Variants in PHLDB2 observed in about 807,000 individuals in gnomAD.
PHLDB2 encodes the protein pleckstrin homology-like domain family B member 2.
PHLDB2 carries 71 observed loss-of-function variants against 123.6 expected under a neutral mutation model. That is an observed-to-expected ratio of 0.57 (90% CI 0.47 to 0.70). The LOEUF is 0.70. Ranked by LOEUF, PHLDB2 falls within the 30% of genes least tolerant of loss-of-function variation. The pLI is 0.00. For missense variants in PHLDB2, 1,446 were observed against 1,519.5 expected, an observed-to-expected ratio of 0.95 and a Z score of 0.80; for synonymous variants, 547 against 541.6, an observed-to-expected ratio of 1.01 and a Z score of -0.14.
intron 1 of PHLDB2, among the ~76,000 whole-genome samples, chr3:111,766,109 G>A (rs2060075986): frequency 6.6e-6 from 1 of 152,142 alleles, no homozygotes; most frequent in African/African-American, 2.4e-5. Flanking sequence ...TCATGAAGCA[G>A]TAATTTTTAA....
At chr3:111,871,515 G>A (rs1361982930) in intron 1 of PHLDB2, among the ~76,000 whole-genome samples, 1 of 152,056 alleles carries the variant, frequency 6.6e-6, no homozygotes, top group African/African-American at 2.4e-5. Context: ...ATAGCCAGGT[G>A]TGGTGGCCCA....
intron 1 of PHLDB2, among the ~76,000 whole-genome samples, chr3:111,843,717 A>G (rs557765258): frequency 6.6e-6 from 1 of 152,324 alleles, no homozygotes; most frequent in African/African-American, 2.4e-5. Flanking sequence ...TAAGAGTTTT[A>G]CAAATACTCT....
rs1351483220 is a variant in PHLDB2, at chr3:111,884,796, A to G, written c.719A>G (p.Lys240Arg). 3.7e-6 allele frequency: 6 copies of G among 1,613,980 alleles called. No homozygotes were observed. Among genetic ancestry groups the G allele is most frequent in the Admixed American group, 1.7e-5 (1 of 59,988 alleles). ...ASENINLRTR[K>R]YSSSSLSHMG... ...GAAAACATCAATTTGAGAACTAGGAAGTACTCCAGCAGCAGCCTGAGTCAC... is the reference window on the plus strand; with the variant it reads ...GAAAACATCAATTTGAGAACTAGGAGGTACTCCAGCAGCAGCCTGAGTCAC... The change falls in exon 2 of 18, where the codon AAG (lysine) becomes AGG (arginine). Residue 240 changes from lysine to arginine, a missense_variant. Coordinates refer to ENST00000431670, the MANE Select transcript of PHLDB2 (RefSeq NM_001134438.2).
intron 14 of PHLDB2, among the ~76,000 whole-genome samples, 187 bp downstream of exon 14, chr3:111,966,890 G>C (rs1559927203): frequency 6.6e-6 from 1 of 151,964 alleles, no homozygotes; most frequent in East Asian, 1.9e-4. Flanking sequence ...CTCTACTGCA[G>C]TGGATTTTCC....
At chr3:111,968,318 CTT>C (rs2071936785) in intron 15 of PHLDB2, among the ~76,000 whole-genome samples, 1 of 152,136 alleles carries the variant, frequency 6.6e-6, no homozygotes, top group African/African-American at 2.4e-5. Context: ...AGTGTTTTGT[CTT>C]TTTTCTGAGC....
At position 111,932,299 on chromosome 3, in the gene PHLDB2, A is replaced by G; in HGVS notation, c.2032A>G (p.Lys678Glu). The stretch of plus-strand genomic sequence containing the variant: ...GGTAAAGCTTGATGCTGAAAGGGAA[A>G]AACTAGAGAGGCTTCAGGAGCTTTA... ...EKVKLDAERE[K>E]LERLQELYSE... is the part of the protein sequence containing the mutation. The change falls in exon 6 of 18, where the codon AAA (lysine) becomes GAA (glutamate). Residue 678 changes from lysine to glutamate, a missense_variant. Physicochemically the swap from Lys to Glu is moderately conservative, Grantham distance 56. This residue lies in a region of PHLDB2 where 832 missense variants were observed against 831.9 expected (regional missense o/e 1.00). Coordinates refer to ENST00000431670, the MANE Select transcript of PHLDB2 (RefSeq NM_001134438.2). The G allele has an allele frequency of 1.3e-6, 2 of 1,551,548 alleles. No individual in the cohort carries two copies. Among genetic ancestry groups the G allele is most frequent in the Non-Finnish European group, 1.7e-6 (2 of 1,146,756 alleles).
At chr3:111,904,143 T>C (rs374841437) in intron 2 of PHLDB2, among the ~76,000 whole-genome samples, 1 of 151,828 alleles carries the variant, frequency 6.6e-6, no homozygotes, top group Non-Finnish European at 1.5e-5. Context: ...TCAGGTGTGG[T>C]GGCAGGCACC....
chr3:111,959,746 C>CA (rs2071280266), intron 12 of PHLDB2, among the ~76,000 whole-genome samples: 1 of 152,278 alleles, frequency 6.6e-6, no homozygotes, highest in East Asian at 1.9e-4. Context: ...ACAACAACAA[C>CA]AAAAAACACA....
intron 1 of PHLDB2, among the ~76,000 whole-genome samples, chr3:111,785,509 T>C (rs1216622880): frequency 1.3e-5 from 2 of 152,142 alleles, no homozygotes; most frequent in African/African-American, 4.8e-5. Flanking sequence ...TCAAATATAA[T>C]ATTTTCCTCT....
chr3:111,820,893 T>G (rs1232165491), intron 1 of PHLDB2, among the ~76,000 whole-genome samples: 2 of 152,204 alleles, frequency 1.3e-5, no homozygotes, highest in Non-Finnish European at 2.9e-5. Context: ...TTAACACACT[T>G]CAGAATTAAA....
At chr3:111,906,489 C>G (rs932126731) in intron 2 of PHLDB2, among the ~76,000 whole-genome samples, 1 of 151,990 alleles carries the variant, frequency 6.6e-6, no homozygotes, top group Admixed American at 6.6e-5. Context: ...AGTACATTGA[C>G]GAAAGGAGGA....
intron 1 of PHLDB2, among the ~76,000 whole-genome samples, chr3:111,770,914 C>T (rs940646201): frequency 4.0e-5 from 6 of 151,654 alleles, no homozygotes; most frequent in African/African-American, 1.2e-4. Flanking sequence ...GTGATTGGTA[C>T]GAAGCCAGTC....
intron 1 of PHLDB2, among the ~76,000 whole-genome samples, chr3:111,862,637 A>T (rs565510465): frequency 5.3e-5 from 8 of 152,254 alleles, no homozygotes; most frequent in African/African-American, 1.9e-4. Flanking sequence ...TCTTAATCTG[A>T]TTTGGATCCT....
intron 10 of PHLDB2, chr3:111,949,955 A>G: frequency 3.2e-6 from 3 of 946,946 alleles, no homozygotes; most frequent in Non-Finnish European, 3.8e-6. Flanking sequence ...CTTATGTGAA[A>G]TCTTTTCTTC....
intron 1 of PHLDB2, among the ~76,000 whole-genome samples, chr3:111,861,249 T>C (rs1446484191): frequency 3.3e-5 from 5 of 152,228 alleles, no homozygotes; most frequent in African/African-American, 1.2e-4. Context: ...AGAGCGAAGG[T>C]TCTTTGAAAA....
intron 8 of PHLDB2, among the ~76,000 whole-genome samples, chr3:111,941,669 A>G (rs745486436): frequency 1.8e-4 from 27 of 152,094 alleles, no homozygotes; most frequent in Admixed American, 6.6e-5. Context: ...TTAGCTGGGC[A>G]TGGTAGCACA....
At chr3:111,962,627 CT>C (rs1170493377) in intron 13 of PHLDB2, among the ~76,000 whole-genome samples, 1 of 152,168 alleles carries the variant, frequency 6.6e-6, no homozygotes, top group African/African-American at 2.4e-5. Context: ...ACTTACACTG[CT>C]TTTGATTTAA....
chr3:111,815,314 G>A (rs751021614), intron 1 of PHLDB2, among the ~76,000 whole-genome samples: 1 of 152,140 alleles, frequency 6.6e-6, no homozygotes, highest in Non-Finnish European at 1.5e-5. Flanking sequence ...TTTGGAATTG[G>A]GTAACAGGCA....
In PHLDB2 at chr3:111,885,122, T is replaced by G; in HGVS notation, c.1045T>G (p.Cys349Gly). The change falls in exon 2 of 18, where the codon TGT (cysteine) becomes GGT (glycine). Residue 349 changes from cysteine (C) to glycine (G), a missense_variant. Physicochemically the swap from Cys to Gly is radical, Grantham distance 159. This residue lies in a region of PHLDB2 where 832 missense variants were observed against 831.9 expected (regional missense o/e 1.00). Transcript: ENST00000431670. ...GATGCTTCTGGCCTCCACCTCCTCC[T>G]GTGCCTCTGATGACTTTGATCAGGC... ...RKMLLASTSS[C>G]ASDDFDQASY... is the part of the protein sequence containing the mutation. 6.3e-7 allele frequency: 1 copy of G among 1,598,648 alleles called. No individual in the cohort carries two copies. Among genetic ancestry groups the G allele is most frequent in the Non-Finnish European group, 8.5e-7 (1 of 1,172,086 alleles).
Sources: gnomAD v4.1 joint callset for allele counts (sites outside exome capture counted in the v4.1 genomes callset) on GRCh38, gnomAD v4.1.1 for gene constraint, gnomAD v4.1.1 regional missense constraint, MANE v1.5 for transcripts, NCBI Gene and HGNC (gene_info 2026-07-23, HGNC 2026-07-21) for gene names.